TP53BP2: variants seen among roughly 807,000 people sequenced by gnomAD.
The protein encoded by TP53BP2 is tumor protein p53 binding protein 2.
TP53BP2 carries 62 observed loss-of-function variants against 126.2 expected under a neutral mutation model. That is an observed-to-expected ratio of 0.49 (90% CI 0.40 to 0.61). The LOEUF is 0.61. Ranked by LOEUF, TP53BP2 falls within the 20% of genes least tolerant of loss-of-function variation. The pLI, the probability that TP53BP2 is intolerant of heterozygous loss-of-function variation, is 0.00. For synonymous variants in TP53BP2, 485 were observed against 502.9 expected (o/e 0.96, Z 0.48); for missense variants, 1,215 against 1,402.8 (o/e 0.87, Z 2.14).
intron 1 of TP53BP2, among the ~76,000 whole-genome samples, chr1:223,831,090 T>G (rs561009168): frequency 2.2e-5 from 3 of 135,038 alleles, no homozygotes; most frequent in African/African-American, 6.8e-5. Context: ...AGAGTGAGAC[T>G]CTTTCTCAAA....
Position 223,802,292 on chromosome 1 carries a change from A to G in TP53BP2, c.1049T>C (p.Val350Ala). ...PQQAASAPSR[V>A]AAVGPYIQSS... ...CTGGATATAGGGACCTACTGCAGCC[A>G]CACGGCTTGGGGCTGACGCGGCTTG... The change falls in exon 9 of 18, where the codon GTG (valine) becomes GCG (alanine). Residue 350 changes from valine (V) to alanine (A), a missense_variant. Val to Ala is a moderately conservative substitution (Grantham distance 64). Coordinates refer to ENST00000343537, the MANE Select transcript of TP53BP2 (RefSeq NM_001031685.3). 1 of 1,614,254 alleles carries G rather than the reference A, an allele frequency of 6.2e-7. No homozygotes were observed. Among genetic ancestry groups the G allele is most frequent in the Non-Finnish European group, 8.5e-7 (1 of 1,180,034 alleles).
At position 223,793,386 on chromosome 1, in the gene TP53BP2, T is replaced by C; in HGVS notation, c.2779A>G (p.Arg927Gly). 6.2e-7 allele frequency: 1 copy of C among 1,610,992 alleles called. No individual in the cohort carries two copies. Among genetic ancestry groups the C allele is most frequent in the Non-Finnish European group, 8.5e-7 (1 of 1,178,752 alleles). Reference protein sequence around the residue: ...TGSERIAHGMRVKFNPLALLL... With the variant: ...TGSERIAHGMGVKFNPLALLL... ...AAAGCAAGGGGGTTGAATTTCACCCTCATTCCATGAGCGATACGCTCTGAG... is the reference window on the plus strand; with the variant it reads ...AAAGCAAGGGGGTTGAATTTCACCCCCATTCCATGAGCGATACGCTCTGAG... The change falls in exon 14 of 18, where the codon AGG becomes GGG. Residue 927 changes from arginine to glycine, a missense_variant. Arg to Gly is a moderately radical substitution (Grantham distance 125). This residue lies in a region of TP53BP2 where 204 missense variants were observed against 225.7 expected (regional missense o/e 0.90). Transcript: ENST00000343537.
In TP53BP2 at chr1:223,793,319, T is replaced by C. The variant is rs1558090498; in HGVS notation, c.2846A>G (p.Gln949Arg). The change falls in exon 14 of 18, where the codon CAG becomes CGG. Residue 949 changes from glutamine (Q) to arginine (R), a missense_variant. Gln to Arg is a conservative substitution (Grantham distance 43). Coordinates refer to ENST00000343537, the MANE Select transcript of TP53BP2 (RefSeq NM_001031685.3). ...SSLEGEFDLV[Q>R]RIIYEVDDPS... ...TAATCATACCTCATAAATAATTCTC[T>C]GTACAAGGTCAAATTCTCCCTCCAA... 3.8e-6 allele frequency: 6 copies of C among 1,594,944 alleles called. No homozygotes were observed. Among genetic ancestry groups the C allele is most frequent in the Non-Finnish European group, 5.1e-6 (6 of 1,173,678 alleles).
intron 16 of TP53BP2, 57 bp from the exon 17 acceptor site, chr1:223,784,371 T>C (rs961009022): frequency 6.5e-7 from 1 of 1,545,824 alleles, no homozygotes; most frequent in African/African-American, 1.4e-5. Context: ...TATACCACTC[T>C]ACAACTTTTA....
chr1:223,807,170 CTTTTA>C (rs1262266743), intron 4 of TP53BP2, among the ~76,000 whole-genome samples: 2 of 152,132 alleles, frequency 1.3e-5, no homozygotes, highest in South Asian at 2.1e-4. Flanking sequence ...ATACAATAAT[CTTTTA>C]TTTTAAGTTG....
chr1:223,788,997 T>C lies in TP53BP2; in HGVS notation c.3163+11A>G. The C allele has an allele frequency of 2.5e-6, 4 of 1,612,968 alleles. No homozygotes were observed. The highest frequency in any genetic ancestry group is 3.3e-4 in the Middle Eastern group (2 of 6,058). On this transcript the variant is annotated intron_variant, in intron 16 of 17. Transcript: ENST00000343537. The stretch of plus-strand genomic sequence containing the variant: ...CAGTAATCAATACATTTAGTTCTAC[T>C]TGTCACATACCATAAAGAAATTGGG...
At position 223,834,209 on chromosome 1, in the gene TP53BP2, T is replaced by C. The variant is rs115975662; in HGVS notation, c.27+11445A>G. Among the ~76,000 whole-genome samples, 1,576 of 152,254 alleles carry C rather than the reference T, an allele frequency of 0.01. 36 individuals are homozygous for C. The East Asian group carries it at 0.1, about 10-fold the overall frequency. On this transcript the variant is annotated intron_variant, in intron 1 of 17. Transcript: ENST00000343537. ...GACTTTATTGCAAGGGAAAAGTCAC[T>C]AGAGTAGTGATTTACAACATGCAAT...
chr1:223,815,065 G>A (rs904479511), intron 2 of TP53BP2, among the ~76,000 whole-genome samples: 3 of 152,224 alleles, frequency 2.0e-5, no homozygotes, highest in African/African-American at 7.2e-5. Context: ...ATATAAAAAC[G>A]AGACACACTG....
rs1225274249 is a variant in TP53BP2, at chr1:223,796,046, A to T, written c.2493T>A (p.Ala831=). The change falls in exon 13 of 18, where the codon GCT becomes GCA. Residue 831 remains alanine (A), a synonymous_variant. Coordinates refer to ENST00000343537, the MANE Select transcript of TP53BP2 (RefSeq NM_001031685.3). This position sits in a 1 kb window ranked among gnomAD's most constrained non-coding sequence, Gnocchi z 4.2. ...GCTCATAATCAAGGCCTGGAGAAGG[A>T]GCTGGCATGTCACTGTTCTCTGTAC... The part of the protein sequence containing the change: ...NASTENSDMP[A]PSPGLDYEPE... 1 of 1,614,120 alleles carries T rather than the reference A, an allele frequency of 6.2e-7. No individual in the cohort carries two copies. Among genetic ancestry groups the T allele is most frequent in the East Asian group, 2.2e-5 (1 of 44,886 alleles).
chr1:223,813,200 C>T (rs1488141547), intron 3 of TP53BP2, among the ~76,000 whole-genome samples: 2 of 152,108 alleles, frequency 1.3e-5, no homozygotes, highest in African/African-American at 4.8e-5. Context: ...CTCCCTTGTT[C>T]TCTCCACCTC....
intron 1 of TP53BP2, among the ~76,000 whole-genome samples, chr1:223,830,537 T>TAA (rs929029566): frequency 6.5e-5 from 9 of 139,522 alleles, no homozygotes; most frequent in Admixed American, 2.2e-4. Flanking sequence ...GAATTTATCC[T>TAA]AAAAAAAAAA....
At position 223,802,036 on chromosome 1, in the gene TP53BP2, A is replaced by G. The variant is rs60245976; in HGVS notation, c.1225+80T>C. On this transcript the variant is annotated intron_variant, in intron 9 of 17. Transcript: ENST00000343537. ...AATTCAAACATGAATAATGAATACA[A>G]AGAGAGATTTTTTTTAAACTCAAAC... The G allele has an allele frequency of 6.0e-3, 8,196 of 1,362,602 alleles. 377 individuals are homozygous for G. The African/African-American group carries it at 0.1, about 17-fold the overall frequency. The allele number at this position is 1,362,602 out of a possible 1,614,324, so 84.4% of individuals were successfully genotyped here. A position where few individuals can be genotyped will look rare whatever the true frequency, so the allele number is the denominator to read the frequency against.
intron 1 of TP53BP2, among the ~76,000 whole-genome samples, chr1:223,829,294 G>A (rs998777270): frequency 1.2e-4 from 18 of 152,124 alleles, no homozygotes; most frequent in African/African-American, 4.3e-4. Flanking sequence ...GTATCAGAGT[G>A]AGACCCTGTC....
At chr1:223,832,124 G>A (rs969626023) in intron 1 of TP53BP2, among the ~76,000 whole-genome samples, 1 of 152,142 alleles carries the variant, frequency 6.6e-6, no homozygotes, top group Non-Finnish European at 1.5e-5. Context: ...AGAAAATCAT[G>A]TGAAGTTCTA....
At chr1:223,793,479 T>C in intron 13 of TP53BP2, 39 bp from the exon 14 acceptor site, 1 of 1,486,340 alleles carries the variant, frequency 6.7e-7, no homozygotes, top group Non-Finnish European at 8.9e-7. Flanking sequence ...GATCCTCGTC[T>C]ATGCAAGAGA....
chr1:223,834,804 A>C, intron 1 of TP53BP2: 1 of 984,618 alleles, frequency 1.0e-6, no homozygotes, highest in African/African-American at 1.7e-5. Context: ...ACTTCCTCCA[A>C]TCCATCCATC....
In TP53BP2 at chr1:223,820,976, C is replaced by T. The variant is rs1663282857; in HGVS notation, c.175+244G>A. On this transcript the variant is annotated intron_variant, in intron 2 of 17. Transcript: ENST00000343537. ...CACTGTTGAGCACCATCCACTGGAC[C>T]ACAACAGCCCAGATGACCTTTTGTA... 5.4e-6 allele frequency: 3 copies of T among 551,912 alleles called. No homozygotes were observed. The African/African-American group carries it at 5.7e-5, about 10-fold the overall frequency. 34.2% of individuals were successfully genotyped at this position (551,912 alleles called of 1,614,324 possible).
chr1:223,784,907 T>C (rs1465897309), intron 16 of TP53BP2, among the ~76,000 whole-genome samples: 1 of 152,224 alleles, frequency 6.6e-6, no homozygotes, highest in Admixed American at 6.5e-5. Flanking sequence ...TCTAATATAG[T>C]AAGAATCCGA....
chr1:223,780,442 G>A lies in TP53BP2; in HGVS notation c.*411C>T, dbSNP rs939485500. Reference sequence around the variant, plus strand: ...GGTGCCGGGGACAATCAGAGACAGCGATGTGACGGCACTGGTCCTTTCTGG... The same window carrying A: ...GGTGCCGGGGACAATCAGAGACAGCAATGTGACGGCACTGGTCCTTTCTGG... On this transcript the variant is annotated 3_prime_UTR_variant, in exon 18 of 18. Coordinates refer to ENST00000343537, the MANE Select transcript of TP53BP2 (RefSeq NM_001031685.3). 6 of 163,038 alleles carry A rather than the reference G, an allele frequency of 3.7e-5. No homozygotes were observed. The highest frequency in any genetic ancestry group is 5.6e-3 in the Middle Eastern group (2 of 358). 10.1% of individuals were successfully genotyped at this position (163,038 alleles called of 1,614,324 possible).
Sources: gnomAD v4.1 joint callset for allele counts (sites outside exome capture counted in the v4.1 genomes callset) on GRCh38, gnomAD v4.1.1 for gene constraint, gnomAD v4.1.1 regional missense constraint, Gnocchi (gnomAD v3.1) non-coding constraint, MANE v1.5 for transcripts, NCBI Gene and HGNC (gene_info 2026-07-23, HGNC 2026-07-21) for gene names.